The following PLEKHA6 variants were observed in gnomAD, a reference collection of about 807,000 sequenced individuals.
The protein encoded by PLEKHA6 is pleckstrin homology domain containing A6, also known as pleckstrin homology domain-containing family A member 6.
In PLEKHA6, 60 loss-of-function variants were observed where a neutral mutation model predicts 116.7. That is an observed-to-expected ratio of 0.51 (90% CI 0.42 to 0.64). PLEKHA6 has a LOEUF of 0.64. Among genes scored for constraint, PLEKHA6 ranks in the 30% least tolerant of loss-of-function variants. The pLI, the probability that PLEKHA6 is intolerant of heterozygous loss-of-function variation, is 0.00. For synonymous variants in PLEKHA6, 489 were observed against 556.1 expected, an observed-to-expected ratio of 0.88 and a Z score of 1.70; for missense variants, 1,338 against 1,422.7, an observed-to-expected ratio of 0.94 and a Z score of 0.96.
chr1:204,375,747 A>T (rs1673857747), intron 1 of PLEKHA6, among the ~76,000 whole-genome samples: 1 of 151,696 alleles, frequency 6.6e-6, no homozygotes, highest in Non-Finnish European at 1.5e-5. Flanking sequence ...CCCTTAGCTT[A>T]GCACATAAGG....
At chr1:204,353,263 TG>T (rs1443969318) in intron 1 of PLEKHA6, among the ~76,000 whole-genome samples, 1 of 152,168 alleles carries the variant, frequency 6.6e-6, no homozygotes, top group Non-Finnish European at 1.5e-5. Flanking sequence ...AGAAGTACAG[TG>T]GAGTGAGAGG....
intron 1 of PLEKHA6, among the ~76,000 whole-genome samples, chr1:204,342,872 AGACCCATGGGGAGG>A (rs1231927706): frequency 2.6e-5 from 4 of 152,260 alleles, no homozygotes; most frequent in African/African-American, 9.6e-5. Flanking sequence ...AAGAAAGAAA[AGACCCATGGGGAGG>A]GAATTTTATT....
chr1:204,239,646 C>T (rs1662525304), intron 17 of PLEKHA6, among the ~76,000 whole-genome samples: 1 of 152,168 alleles, frequency 6.6e-6, no homozygotes, highest in African/African-American at 2.4e-5. Context: ...ACTGGTCTTA[C>T]TATGTTATCC....
intron 21 of PLEKHA6, among the ~76,000 whole-genome samples, chr1:204,224,046 G>A (rs757204440): frequency 2.0e-4 from 30 of 152,170 alleles, no homozygotes; most frequent in Non-Finnish European, 3.8e-4. Flanking sequence ...TGACCACCAT[G>A]TTAATCAATG....
chr1:204,314,843 G>A (rs1671794263), intron 1 of PLEKHA6, among the ~76,000 whole-genome samples: 1 of 152,166 alleles, frequency 6.6e-6, no homozygotes, highest in Non-Finnish European at 1.5e-5. Context: ...TATTTGGGGA[G>A]TAGGGAATAG....
chr1:204,320,083 T>C (rs1572175646), intron 1 of PLEKHA6, among the ~76,000 whole-genome samples: 1 of 152,248 alleles, frequency 6.6e-6, no homozygotes, highest in East Asian at 1.9e-4. Flanking sequence ...GCCACAAGAC[T>C]TAAGACACTG....
chr1:204,276,637 GACACACACACACACACACACACAC>G (rs10567692), intron 1 of PLEKHA6, among the ~76,000 whole-genome samples: 1 of 136,828 alleles, frequency 7.3e-6, no homozygotes, highest in African/African-American at 2.7e-5. Context: ...CACTGGCACA[GACACACACACACACACACACACAC>G]ACACACACAC....
chr1:204,234,975 T>TAACTA (rs1486999492), intron 17 of PLEKHA6, among the ~76,000 whole-genome samples: 5 of 14,624 alleles, frequency 3.4e-4, no homozygotes, highest in Non-Finnish European at 5.7e-4. Context: ...TATATATATA[T>TAACTA]ATATATATAT....
intron 1 of PLEKHA6, among the ~76,000 whole-genome samples, chr1:204,304,494 A>G (rs1162061398): frequency 6.6e-6 from 1 of 152,226 alleles, no homozygotes; most frequent in Non-Finnish European, 1.5e-5. Flanking sequence ...TCAACTTTTA[A>G]TTTTGCTAAA....
intron 1 of PLEKHA6, among the ~76,000 whole-genome samples, chr1:204,359,186 C>T (rs1673498358): frequency 6.6e-6 from 1 of 152,114 alleles, no homozygotes; most frequent in South Asian, 2.1e-4. Flanking sequence ...ATCCAAGAGC[C>T]TCTGTCACCC....
At chr1:204,323,310 C>T (rs1247658816) in intron 1 of PLEKHA6, among the ~76,000 whole-genome samples, 2 of 152,222 alleles carry the variant, frequency 1.3e-5, no homozygotes, top group Non-Finnish European at 2.9e-5. Flanking sequence ...TCTTTTGCAT[C>T]GTTATCTCAT....
chr1:204,268,244 A>G lies in PLEKHA6; in HGVS notation c.171T>C (p.Asn57=). The G allele has an allele frequency of 6.2e-7, 1 of 1,612,514 alleles. No homozygotes were observed. Among genetic ancestry groups the G allele is most frequent in the Admixed American group, 1.7e-5 (1 of 59,714 alleles). The change falls in exon 4 of 23, where the codon AAT becomes AAC. Residue 57 remains asparagine (N), a synonymous_variant. Transcript: ENST00000272203. The part of the protein sequence containing the change: ...KRSHSMKRNP[N]APVTKAGWLF... ...GCCAGCCCGCCTTGGTGACAGGTGC[A>G]TTGGGGTTCCGCTTCATGGAGTGTG...
At chr1:204,333,319 C>T (rs956752193) in intron 1 of PLEKHA6, among the ~76,000 whole-genome samples, 40 of 152,322 alleles carry the variant, frequency 2.6e-4, no homozygotes, top group African/African-American at 9.4e-4. Context: ...GCAGGCAATT[C>T]CCACCCCAAA....
intron 1 of PLEKHA6, among the ~76,000 whole-genome samples, chr1:204,294,749 A>G (rs1670106086): frequency 6.6e-6 from 1 of 152,142 alleles, no homozygotes; most frequent in Non-Finnish European, 1.5e-5. Context: ...TCATTCCCCC[A>G]TCTGTGAAAA....
At chr1:204,300,969 A>C (rs2103084485) in intron 1 of PLEKHA6, among the ~76,000 whole-genome samples, 1 of 152,364 alleles carries the variant, frequency 6.6e-6, no homozygotes, top group Admixed American at 6.5e-5. Context: ...GAGCATATTT[A>C]GCTGCAAACT....
chr1:204,254,169 C>T (rs1347610554), intron 9 of PLEKHA6, among the ~76,000 whole-genome samples: 1 of 152,242 alleles, frequency 6.6e-6, no homozygotes, highest in African/African-American at 2.4e-5. Context: ...TCCTGGACCT[C>T]CCGGCCCTGC....
intron 1 of PLEKHA6, among the ~76,000 whole-genome samples, chr1:204,276,505 T>C (rs548096020): frequency 5.1e-4 from 77 of 152,268 alleles, no homozygotes; most frequent in African/African-American, 1.8e-3. Flanking sequence ...ACGGTGTCCT[T>C]TGAGGTGTCA....
At chr1:204,268,384 C>A in intron 3 of PLEKHA6, 72 bp from the exon 4 acceptor site, 1 of 1,081,046 alleles carries the variant, frequency 9.3e-7, no homozygotes, top group Middle Eastern at 2.3e-4. Flanking sequence ...AGGGAGCCAC[C>A]CCTGCTAGAG....
In PLEKHA6 at chr1:204,241,408, A is replaced by G. The variant is rs1195477675; in HGVS notation, c.2376T>C (p.Asn792=). ...EVTPSAVVRR[N]ASGLTNGLSS... ...AGAGTCCATTGGTGAGCCCACTGGC[A>G]TTCCTTCTTACCACTGCTGATGGGG... is the stretch of plus-strand genomic sequence containing the variant. The change falls in exon 17 of 23, where the codon AAT becomes AAC. Residue 792 remains asparagine (N), a synonymous_variant. Transcript: ENST00000272203. 3 of 1,611,912 alleles carry G rather than the reference A, an allele frequency of 1.9e-6. No homozygotes were observed. Among genetic ancestry groups the G allele is most frequent in the Non-Finnish European group, 2.5e-6 (3 of 1,179,188 alleles).
Sources: gnomAD v4.1 joint callset for allele counts (sites outside exome capture counted in the v4.1 genomes callset) on GRCh38, gnomAD v4.1.1 for gene constraint, MANE v1.5 for transcripts, NCBI Gene and HGNC (gene_info 2026-07-23, HGNC 2026-07-21) for gene names.